The following PCDHA2 variants were observed in gnomAD, a reference collection of about 807,000 sequenced individuals.
The protein encoded by PCDHA2 is protocadherin alpha-2.
In PCDHA2, 58 loss-of-function variants were observed where a neutral mutation model predicts 66.0. The observed-to-expected ratio is 0.88, with a 90% CI of 0.71 to 1.09. PCDHA2 has a LOEUF of 1.09. Among genes scored for constraint, PCDHA2 ranks in the 50% least tolerant of loss-of-function variants. The probability of loss-of-function intolerance (pLI) is 0.00; values close to 1 mark genes in which losing one functional copy is unlikely to be tolerated. For synonymous variants in PCDHA2, 634 were observed against 554.0 expected, an observed-to-expected ratio of 1.14 and a Z score of -2.03; for missense variants, 1,267 against 1,242.3, an observed-to-expected ratio of 1.02 and a Z score of -0.30.
At chr5:140,882,096 T>A in intron 1 of PCDHA2, 1 of 1,224,746 alleles carries the variant, frequency 8.2e-7, no homozygotes, top group Non-Finnish European at 1.1e-6. Flanking sequence ...ACTGAGAACG[T>A]TTCCGCGAAG....
chr5:140,948,076 A>G (rs1554218436), intron 1 of PCDHA2, among the ~76,000 whole-genome samples: 1 of 151,508 alleles, frequency 6.6e-6, no homozygotes, highest in Non-Finnish European at 1.5e-5. Flanking sequence ...ATTTTCTTTT[A>G]ATCTATTGAT....
intron 1 of PCDHA2, chr5:140,871,653 C>T: frequency 1.6e-6 from 2 of 1,244,250 alleles, no homozygotes; most frequent in Non-Finnish European, 2.2e-6. Flanking sequence ...CCAAATGATA[C>T]ACATCTTCAG....
chr5:140,982,701 T>C, intron 3 of PCDHA2, 138 bp downstream of exon 3: 1 of 1,383,086 alleles, frequency 7.2e-7, no homozygotes, highest in South Asian at 1.6e-5. Flanking sequence ...CATACATGAT[T>C]TCCTTACATA....
chr5:140,827,472 T>G (rs2150147765), intron 1 of PCDHA2, among the ~76,000 whole-genome samples: 59 of 152,234 alleles, frequency 3.9e-4, no homozygotes, highest in Non-Finnish European at 6.9e-4. Flanking sequence ...TGATATTTAT[T>G]GAACAAAGAA....
At chr5:140,800,936 A>C in intron 1 of PCDHA2, 1 of 916,912 alleles carries the variant, frequency 1.1e-6, no homozygotes, top group Non-Finnish European at 1.4e-6. Flanking sequence ...AAATTTTGGG[A>C]AAGTTCAAAC....
At chr5:140,809,891 A>C (rs1554125376) in intron 1 of PCDHA2, 1 of 211,874 alleles carries the variant, frequency 4.7e-6, no homozygotes, top group Non-Finnish European at 9.4e-6. Flanking sequence ...ATTACATATA[A>C]ACAAATGTGC....
At chr5:140,915,572 C>T (rs2077180575) in intron 1 of PCDHA2, among the ~76,000 whole-genome samples, 1 of 152,106 alleles carries the variant, frequency 6.6e-6, no homozygotes, top group Admixed American at 6.6e-5. Context: ...ATCTGGATTG[C>T]CAGGCAAAAG....
chr5:140,952,418 A>G (rs1563257684), intron 1 of PCDHA2, among the ~76,000 whole-genome samples: 1 of 152,090 alleles, frequency 6.6e-6, no homozygotes, highest in South Asian at 2.1e-4. Context: ...AATGTTCCGC[A>G]GATTCCTACA....
intron 1 of PCDHA2, among the ~76,000 whole-genome samples, chr5:140,974,459 C>G (rs59098360): frequency 0.013 from 1,989 of 152,274 alleles, 54 homozygotes; most frequent in African/African-American, 0.046. Flanking sequence ...TGACTACATT[C>G]AGAGGAAAGT....
At chr5:140,828,029 C>T (rs1237418954) in intron 1 of PCDHA2, 16 of 1,519,884 alleles carry the variant, frequency 1.1e-5, no homozygotes, top group Non-Finnish European at 1.4e-5. Context: ...AATTCCGGAA[C>T]ATACAGTATT....
At chr5:140,954,149 G>A (rs1301810560) in intron 1 of PCDHA2, among the ~76,000 whole-genome samples, 2 of 152,204 alleles carry the variant, frequency 1.3e-5, no homozygotes, top group Non-Finnish European at 2.9e-5. Flanking sequence ...ATTCCATGGT[G>A]TATATGTACC....
chr5:140,900,360 C>T (rs952432002), intron 1 of PCDHA2, among the ~76,000 whole-genome samples: 2 of 152,168 alleles, frequency 1.3e-5, no homozygotes, highest in Non-Finnish European at 2.9e-5. Flanking sequence ...TCACCGCAAC[C>T]TCTGCCTCCT....
At chr5:141,001,279 G>A (rs1317213469) in intron 3 of PCDHA2, among the ~76,000 whole-genome samples, 1 of 151,942 alleles carries the variant, frequency 6.6e-6, no homozygotes, top group African/African-American at 2.4e-5. Context: ...CTTTTTTTAC[G>A]GATGAAAACT....
chr5:140,825,633 G>T (rs1476004064), intron 1 of PCDHA2: 1 of 151,844 alleles, frequency 6.6e-6, no homozygotes, highest in Non-Finnish European at 1.5e-5. Context: ...TGTTGGTCAT[G>T]GTGGTCTCGA....
At chr5:140,895,851 C>T (rs2065201261) in intron 1 of PCDHA2, among the ~76,000 whole-genome samples, 1 of 152,078 alleles carries the variant, frequency 6.6e-6, no homozygotes, top group Admixed American at 6.6e-5. Flanking sequence ...CACTCTTGTA[C>T]CCCAGGCTGG....
At chr5:140,937,944 G>T (rs2091858064) in intron 1 of PCDHA2, among the ~76,000 whole-genome samples, 1 of 151,532 alleles carries the variant, frequency 6.6e-6, no homozygotes. Flanking sequence ...TTTGATAATT[G>T]GCTTTTGTTG....
At chr5:140,959,883 C>T (rs535578218) in intron 1 of PCDHA2, among the ~76,000 whole-genome samples, 4 of 152,222 alleles carry the variant, frequency 2.6e-5, no homozygotes, top group South Asian at 2.1e-4. Flanking sequence ...AAGGAATACA[C>T]GAGTGGGATT....
rs146303235 is a variant in PCDHA2 at position 140,809,159 on chromosome 5, G to T, written c.2388+11807G>T. ...ACTGGTGAAGGACCACGGCGAGCCC[G>T]CGCTGACGGCCACGGCCACTGTGCT... On this transcript the variant is annotated intron_variant, in intron 1 of 3. Transcript: ENST00000526136. The T allele has an allele frequency of 6.2e-6, 10 of 1,613,942 alleles. No homozygotes were observed. Among genetic ancestry groups the T allele is most frequent in the African/African-American group, 5.3e-5 (4 of 75,054 alleles).
intron 1 of PCDHA2, chr5:140,870,983 C>T (rs1554164955): frequency 1.2e-6 from 2 of 1,613,520 alleles, no homozygotes; most frequent in East Asian, 2.2e-5. Context: ...GGGCTGTACA[C>T]GGGCGAGATA....
Sources: gnomAD v4.1 joint callset for allele counts (sites outside exome capture counted in the v4.1 genomes callset) on GRCh38, gnomAD v4.1.1 for gene constraint, MANE v1.5 for transcripts, NCBI Gene and HGNC (gene_info 2026-07-23, HGNC 2026-07-21) for gene names.